CACNA1G: variants seen among roughly 807,000 people sequenced by gnomAD.
The protein encoded by CACNA1G is voltage-dependent T-type calcium channel subunit alpha-1G.
Under a neutral mutation model 219.4 loss-of-function variants are expected in CACNA1G, and 67 were observed. That is an observed-to-expected ratio of 0.31 (90% confidence interval 0.25 to 0.37). The LOEUF is 0.37. CACNA1G is among the 10% of genes least tolerant of loss of function. CACNA1G has a pLI of 1.00. For synonymous variants in CACNA1G, 1,296 were observed against 1,345.3 expected (o/e 0.96, Z 0.80); for missense variants, 2,380 against 3,231.4 (o/e 0.74, Z 6.39).
intron 35 of CACNA1G, among the ~76,000 whole-genome samples, chr17:50,623,277 T>A (rs1441914316): frequency 7.2e-6 from 1 of 139,828 alleles, no homozygotes; most frequent in African/African-American, 2.7e-5. Context: ...TTTTTTTTTT[T>A]TTTTTTTTTT....
chr17:50,568,722 C>A, intron 1 of CACNA1G, 148 bp from the exon 2 acceptor site: 1 of 679,564 alleles, frequency 1.5e-6, no homozygotes, highest in South Asian at 1.6e-5. Context: ...GGGCTGGGGG[C>A]TGGTCTGCGT....
In CACNA1G at chr17:50,591,546, G is replaced by C; in HGVS notation, c.2565G>C (p.Leu855=). ...TCCTGCCGGCGCTGCAGCGGCAGCT[G>C]GTGGTGCTCATGAAGACCATGGACA... The part of the protein sequence containing the change: ...VRFLPALQRQ[L]VVLMKTMDNV... The change falls in exon 11 of 38, where the codon CTG becomes CTC. Residue 855 remains leucine (L), a synonymous_variant. Transcript: ENST00000359106. 1 of 1,612,686 alleles carries C rather than the reference G, an allele frequency of 6.2e-7. No homozygotes were observed. Among genetic ancestry groups the C allele is most frequent in the South Asian group, 1.1e-5 (1 of 90,854 alleles).
At chr17:50,573,920 C>A (rs1038869734) in intron 7 of CACNA1G, among the ~76,000 whole-genome samples, 2 of 152,210 alleles carry the variant, frequency 1.3e-5, no homozygotes, top group African/African-American at 4.8e-5. Context: ...TAATCCTCAC[C>A]GTGATCCTCT....
In CACNA1G at chr17:50,618,174, G is replaced by A. The variant is rs1313449090; in HGVS notation, c.5305+48G>A. On this transcript the variant is annotated intron_variant, in intron 31 of 37. Coordinates refer to ENST00000359106, the MANE Select transcript of CACNA1G (RefSeq NM_018896.5). This position sits in a 1 kb window ranked among gnomAD's most constrained non-coding sequence, Gnocchi z 5.3. ...GGAGGAGCCAGGGCTGGAGACCAGG[G>A]GGCTCCTGGACTAACATGGGCCTCT... The A allele has an allele frequency of 1.9e-6, 3 of 1,612,872 alleles. No individual in the cohort carries two copies. The highest frequency in any genetic ancestry group is 1.3e-5 in the African/African-American group (1 of 74,988).
chr17:50,587,870 A>T (rs1324841878), intron 9 of CACNA1G, among the ~76,000 whole-genome samples: 1 of 141,840 alleles, frequency 7.1e-6, no homozygotes, highest in Non-Finnish European at 1.6e-5. Flanking sequence ...GGTGTGCAGG[A>T]GAGTGAGGTG....
Position 50,601,059 on chromosome 17 carries a change from T to A in CACNA1G, c.3800T>A (p.Leu1267His). Residue 1267 changes from leucine to histidine, a missense_variant, in exon 19 of 38, where the codon CTC (leucine) becomes CAC (histidine). Around this residue, in one of 17 missense-constraint regions of CACNA1G, gnomAD observed 418 missense variants for 434.3 expected, o/e 0.96. Transcript: ENST00000359106. ...CCTCCATGCCTGGGCAGGTTCCGCC[T>A]CCTGTGTCACCGGATCATCACCCAC... ...YIFPPQSRFR[L>H]LCHRIITHKM... The A allele has an allele frequency of 6.2e-7, 1 of 1,613,772 alleles. No individual in the cohort carries two copies. Among genetic ancestry groups the A allele is most frequent in the Non-Finnish European group, 8.5e-7 (1 of 1,179,782 alleles).
chr17:50,592,432 A>G (rs937033137), intron 13 of CACNA1G, among the ~76,000 whole-genome samples: 3 of 152,096 alleles, frequency 2.0e-5, no homozygotes, highest in African/African-American at 7.2e-5. Flanking sequence ...ACAGTGCTCT[A>G]TGGAACACCC....
intron 7 of CACNA1G, 101 bp from the exon 8 acceptor site, chr17:50,575,442 A>T: frequency 8.6e-7 from 1 of 1,167,398 alleles, no homozygotes; most frequent in Non-Finnish European, 1.2e-6. Flanking sequence ...AAAATAACTG[A>T]GCGTGGCGCT....
At chr17:50,610,013 C>G in intron 26 of CACNA1G, 78 bp downstream of exon 26, 4 of 1,424,520 alleles carry the variant, frequency 2.8e-6, no homozygotes, top group Non-Finnish European at 3.9e-6. Flanking sequence ...TGATTCTATC[C>G]TCTTGGGGTG....
rs79664136 is a variant in CACNA1G, at chr17:50,578,094, C to G, written c.1925-94C>G. ...CTAGCACCCCATCACTGTAACAACC[C>G]CAGACTCCCTGACTCATTTTACACA... On this transcript the variant is annotated intron_variant, in intron 8 of 37. Transcript: ENST00000359106. The surrounding 1 kb of genome is among the most constrained non-coding windows in gnomAD (Gnocchi z 4.5). The G allele has an allele frequency of 7.0e-7, 1 of 1,433,046 alleles. No individual in the cohort carries two copies. The highest frequency in any genetic ancestry group is 1.4e-5 in the African/African-American group (1 of 70,202). 88.8% of individuals were successfully genotyped at this position (1,433,046 alleles called of 1,614,324 possible).
Position 50,603,223 on chromosome 17 carries a change from A to G in CACNA1G, c.4169+24A>G, listed in dbSNP as rs2047129308. The stretch of plus-strand genomic sequence containing the variant: ...AGGTGACTCCCTCCCCAGCACTGGA[A>G]CACCTCCAAGAGGTGGCCCCCTCCG... On this transcript the variant is annotated intron_variant, in intron 21 of 37. Coordinates refer to ENST00000359106, the MANE Select transcript of CACNA1G (RefSeq NM_018896.5). This position sits in a 1 kb window ranked among gnomAD's most constrained non-coding sequence, Gnocchi z 6.4. 4.4e-6 allele frequency: 7 copies of G among 1,592,690 alleles called. No homozygotes were observed. The highest frequency in any genetic ancestry group is 6.0e-6 in the Non-Finnish European group (7 of 1,175,862).
chr17:50,581,396 G>A (rs983021701), intron 9 of CACNA1G, among the ~76,000 whole-genome samples: 1 of 151,824 alleles, frequency 6.6e-6, no homozygotes. Context: ...TCGATTGGAT[G>A]GGGGGGCGGG....
Position 50,618,438 on chromosome 17 carries a change from T to A in CACNA1G, c.5427+95T>A, listed in dbSNP as rs1028904358. On this transcript the variant is annotated intron_variant, in intron 32 of 37. Transcript: ENST00000359106. This position sits in a 1 kb window ranked among gnomAD's most constrained non-coding sequence, Gnocchi z 5.3. ...GATGAATTGGCCACAAATAAAAGCA[T>A]GTGACCTTCTCTCCCCCGTGCTAGA... 2 of 1,507,374 alleles carry A rather than the reference T, an allele frequency of 1.3e-6. No homozygotes were observed. Among genetic ancestry groups the A allele is most frequent in the African/African-American group, 2.7e-5 (2 of 72,868 alleles). The allele number at this position is 1,507,374 out of a possible 1,614,324, so 93.4% of individuals were successfully genotyped here. A position where few individuals can be genotyped will look rare whatever the true frequency, so the allele number is the denominator to read the frequency against.
Position 50,603,710 on chromosome 17 carries a change from T to A in CACNA1G, c.4170-445T>A, listed in dbSNP as rs2047303289. 7.0e-6 allele frequency among the ~76,000 whole-genome samples: 1 copy of A among 143,686 alleles called. No individual in the cohort carries two copies. Among genetic ancestry groups the A allele is most frequent in the South Asian group, 2.2e-4 (1 of 4,574 alleles). The allele number at this position is 143,686 out of a possible 152,430, so 94.3% of individuals were successfully genotyped here. On this transcript the variant is annotated intron_variant, in intron 21 of 37. Coordinates refer to ENST00000359106, the MANE Select transcript of CACNA1G (RefSeq NM_018896.5). The surrounding 1 kb of genome is among the most constrained non-coding windows in gnomAD (Gnocchi z 6.4). ...CAATCAGCCAGTCACCACCCCCAAC[T>A]CAGATTTTTTTTTTTTAATAGGGAT...
rs529950208 is a variant in CACNA1G at position 50,604,143 on chromosome 17, T to A, written c.4170-12T>A. The A allele has an allele frequency of 4.0e-5, 64 of 1,608,538 alleles. No homozygotes were observed. The highest frequency in any genetic ancestry group is 5.0e-5 in the Non-Finnish European group (59 of 1,176,112). ...GGGGAAGCCTTATCACCTCCCTCCC[T>A]CCCCTCCCCAGGGTGATCAGCCGGG... On this transcript the variant is annotated splice_polypyrimidine_tract_variant and intron_variant, in intron 21 of 37. Transcript: ENST00000359106.
chr17:50,619,133 G>T (rs941519454), intron 33 of CACNA1G, 125 bp downstream of exon 33: 1 of 732,562 alleles, frequency 1.4e-6, no homozygotes, highest in South Asian at 2.3e-5. Context: ...CCCGCCCTCC[G>T]TCCTGGATGC....
rs553764626 is a variant in CACNA1G at position 50,586,260 on chromosome 17, C to T, written c.2302-4211C>T. Reference sequence around the variant, plus strand: ...CCCGCCCCCAGGGCCTCAGTGGCAGCGTGGTAGGCAGAGACTTGTCCAGAG... The same window carrying T: ...CCCGCCCCCAGGGCCTCAGTGGCAGTGTGGTAGGCAGAGACTTGTCCAGAG... On this transcript the variant is annotated intron_variant, in intron 9 of 37. Coordinates refer to ENST00000359106, the MANE Select transcript of CACNA1G (RefSeq NM_018896.5). Among the ~76,000 whole-genome samples, 9 of 152,316 alleles carry T rather than the reference C, an allele frequency of 5.9e-5. No individual in the cohort carries two copies. In the East Asian group the frequency reaches 9.6e-4, roughly 16 times the overall value.
intron 33 of CACNA1G, among the ~76,000 whole-genome samples, chr17:50,619,409 G>A (rs926744817): frequency 4.0e-5 from 6 of 150,382 alleles, no homozygotes; most frequent in Non-Finnish European, 7.4e-5. Context: ...TCTCTTTACC[G>A]CTCTCTCTCT....
intron 9 of CACNA1G, among the ~76,000 whole-genome samples, chr17:50,580,512 C>T (rs1161449564): frequency 6.6e-6 from 1 of 152,226 alleles, no homozygotes; most frequent in Non-Finnish European, 1.5e-5. Flanking sequence ...AGCTGAGTCA[C>T]ACAGACCCAG....
Sources: allele counts gnomAD v4.1 joint callset (sites outside exome capture counted in the v4.1 genomes callset), GRCh38; gene constraint gnomAD v4.1.1; regional missense constraint gnomAD v4.1.1; non-coding constraint Gnocchi (gnomAD v3.1); transcripts MANE v1.5; gene names NCBI Gene and HGNC (gene_info 2026-07-23, HGNC 2026-07-21).